The following TNFAIP8 variants were observed in gnomAD, a reference collection of about 807,000 sequenced individuals.
TNFAIP8 encodes TNF alpha induced protein 8.
Under a neutral mutation model 13.3 loss-of-function variants are expected in TNFAIP8, and 7 were observed. The ratio of observed to expected loss-of-function variants is 0.52; its 90% CI spans 0.30 to 0.99. The LOEUF is 0.99. Ranked by LOEUF, TNFAIP8 falls within the 50% of genes least tolerant of loss-of-function variation. The probability of loss-of-function intolerance (pLI) is 0.07; values close to 1 mark genes in which losing one functional copy is unlikely to be tolerated. For missense variants in TNFAIP8, 258 were observed against 236.9 expected (o/e 1.09, Z -0.58); for synonymous variants, 94 against 87.6 (o/e 1.07, Z -0.41).
At chr5:119,325,734 C>T (rs1017339432) in intron 1 of TNFAIP8, among the ~76,000 whole-genome samples, 3 of 152,132 alleles carry the variant, frequency 2.0e-5, no homozygotes, top group African/African-American at 7.2e-5. Flanking sequence ...AGGCGTGAGC[C>T]ACCGTGCCTG....
In TNFAIP8 at chr5:119,313,584, C is replaced by G. The variant is rs75716569; in HGVS notation, c.1+44677C>G. ...GATATGCATTTGCTAAAGTTTAGTA[C>G]TTGCCAAAATATGATAGCCTCCTTT... On this transcript the variant is annotated intron_variant, in intron 1 of 1. Transcript: ENST00000274456. 6.3e-3 allele frequency among the ~76,000 whole-genome samples: 961 copies of G among 152,300 alleles called. 13 individuals carry two copies. Among genetic ancestry groups the G allele is most frequent in the East Asian group, 0.063 (325 of 5,186 alleles).
At chr5:119,378,880 C>T (rs1752380404) in intron 1 of TNFAIP8, among the ~76,000 whole-genome samples, 1 of 152,050 alleles carries the variant, frequency 6.6e-6, no homozygotes, top group African/African-American at 2.4e-5. Flanking sequence ...TTGAGACCAG[C>T]CTGGCCAACA....
intron 1 of TNFAIP8, among the ~76,000 whole-genome samples, chr5:119,334,751 G>A (rs995210954): frequency 6.6e-6 from 1 of 151,688 alleles, no homozygotes; most frequent in East Asian, 1.9e-4. Context: ...CTCCAGCCTG[G>A]TGACAGAGTG....
At chr5:119,282,141 T>TA (rs1266181478) in intron 1 of TNFAIP8, among the ~76,000 whole-genome samples, 1 of 152,234 alleles carries the variant, frequency 6.6e-6, no homozygotes, top group African/African-American at 2.4e-5. Flanking sequence ...AGTGAGCTGT[T>TA]ATGTTACCAA....
Position 119,396,981 on chromosome 5 carries a change from C to T in TNFAIP8, c.*3600C>T, listed in dbSNP as rs537990286. On this transcript the variant is annotated 3_prime_UTR_variant, in exon 2 of 2. Coordinates refer to ENST00000504771, the MANE Select transcript of TNFAIP8 (RefSeq NM_014350.4). ...TGCACTGCAGCCTGGGCAACAAGAACGAAACCCCGTCTCAAAAAAAAAAAA... is the reference window on the plus strand; with the variant it reads ...TGCACTGCAGCCTGGGCAACAAGAATGAAACCCCGTCTCAAAAAAAAAAAA... 22 of 85,144 alleles carry T rather than the reference C, an allele frequency of 2.6e-4. No individual in the cohort carries two copies. The East Asian group carries it at 4.1e-3, about 16-fold the overall frequency. 5.3% of individuals were successfully genotyped at this position (85,144 alleles called of 1,614,324 possible).
Position 119,397,878 on chromosome 5 carries a change from A to G in TNFAIP8, c.*4497A>G, listed in dbSNP as rs1322929963. On this transcript the variant is annotated 3_prime_UTR_variant, in exon 2 of 2. Transcript: ENST00000504771. Reference sequence around the variant, plus strand: ...TCAGGGAAATTCCAGAAATGGAAACATTTTTGTGTAATATTGATTCATTTC... The same window carrying G: ...TCAGGGAAATTCCAGAAATGGAAACGTTTTTGTGTAATATTGATTCATTTC... The G allele has an allele frequency of 1.3e-5, 2 of 152,208 alleles. No homozygotes were observed. The highest frequency in any genetic ancestry group is 4.8e-5 in the African/African-American group (2 of 41,454). The allele number at this position is 152,208 out of a possible 1,614,324, so 9.4% of individuals were successfully genotyped here.
At chr5:119,276,162 G>C (rs142739072) in intron 1 of TNFAIP8, among the ~76,000 whole-genome samples, 88 of 151,032 alleles carry the variant, frequency 5.8e-4, no homozygotes, top group African/African-American at 2.0e-3. Flanking sequence ...CTGTCTCCCA[G>C]GCTGAAGTGC....
At chr5:119,345,021 GTAATTTTTTTCA>G (rs1750853827) in intron 1 of TNFAIP8, among the ~76,000 whole-genome samples, 1 of 152,140 alleles carries the variant, frequency 6.6e-6, no homozygotes, top group Non-Finnish European at 1.5e-5. Context: ...AGTGGTCTCA[GTAATTTTTTTCA>G]TGCCATTTCT....
At chr5:119,286,438 G>A (rs1216037976) in intron 1 of TNFAIP8, among the ~76,000 whole-genome samples, 6 of 152,222 alleles carry the variant, frequency 3.9e-5, no homozygotes, top group Admixed American at 2.0e-4. Context: ...TGGCTAACAC[G>A]GTGAAACCCC....
intron 1 of TNFAIP8, among the ~76,000 whole-genome samples, chr5:119,297,646 A>T (rs977039011): frequency 1.3e-5 from 2 of 152,130 alleles, no homozygotes; most frequent in African/African-American, 4.8e-5. Flanking sequence ...GCTGAGTTCA[A>T]TTCCTGGGTA....
At chr5:119,337,084 C>A (rs1359347161) in intron 1 of TNFAIP8, among the ~76,000 whole-genome samples, 1 of 152,190 alleles carries the variant, frequency 6.6e-6, no homozygotes, top group African/African-American at 2.4e-5. Flanking sequence ...GCATTGTCTC[C>A]TGTTTAATTG....
At chr5:119,316,813 C>T (rs1561997757) in intron 1 of TNFAIP8, among the ~76,000 whole-genome samples, 2 of 152,112 alleles carry the variant, frequency 1.3e-5, no homozygotes, top group African/African-American at 2.4e-5. Flanking sequence ...TTGCCCTGCC[C>T]GCAAGAGACA....
chr5:119,304,754 A>T, intron 1 of TNFAIP8, among the ~76,000 whole-genome samples: 1 of 152,194 alleles, frequency 6.6e-6, no homozygotes, highest in African/African-American at 2.4e-5. Context: ...ATTTTCAGTT[A>T]TCTTCTATAT....
rs531733290 is a variant in TNFAIP8, at chr5:119,356,452, C to T, written c.31+331C>T. On this transcript the variant is annotated intron_variant, in intron 1 of 1. Transcript: ENST00000504771. ...AATGTGCTTGGAAAAGGGCTGCCTG[C>T]CTGCATCAGAAAGACTGAAAGCGGG... Among the ~76,000 whole-genome samples the T allele has an allele frequency of 3.9e-5, 6 of 152,084 alleles. No homozygotes were observed. The East Asian group carries it at 1.2e-3, about 29-fold the overall frequency.
At chr5:119,353,687 GT>G (rs1751267645), upstream of TNFAIP8, among the ~76,000 whole-genome samples, 2 of 152,022 alleles carry the variant, frequency 1.3e-5, no homozygotes, top group South Asian at 4.2e-4. Context: ...TCATTCAGCA[GT>G]TGTAAAACAA....
chr5:119,287,284 T>TG (rs1413143446), intron 1 of TNFAIP8, among the ~76,000 whole-genome samples: 29 of 137,906 alleles, frequency 2.1e-4, no homozygotes, highest in Non-Finnish European at 3.4e-4. Flanking sequence ...AACCAAGTTT[T>TG]TTTTTTTTTT....
At chr5:119,278,430 A>G (rs1748527630) in intron 1 of TNFAIP8, among the ~76,000 whole-genome samples, 1 of 149,696 alleles carries the variant, frequency 6.7e-6, no homozygotes. Flanking sequence ...TGAAGGGTGG[A>G]CACAGAGGGC....
chr5:119,290,467 G>T (rs933251070), intron 1 of TNFAIP8, among the ~76,000 whole-genome samples: 2 of 152,150 alleles, frequency 1.3e-5, no homozygotes, highest in African/African-American at 4.8e-5. Flanking sequence ...CAGGTTTATT[G>T]GAGTGTCCTC....
chr5:119,322,398 C>A (rs1402838282), intron 1 of TNFAIP8, among the ~76,000 whole-genome samples: 9 of 152,108 alleles, frequency 5.9e-5, no homozygotes. Context: ...ACCATGCTGG[C>A]TATGGCCAGG....
Sources: gnomAD v4.1 joint callset for allele counts (sites outside exome capture counted in the v4.1 genomes callset) on GRCh38, gnomAD v4.1.1 for gene constraint, MANE v1.5 for transcripts, NCBI Gene and HGNC (gene_info 2026-07-23, HGNC 2026-07-21) for gene names.